TAS2R14: variants seen among roughly 807,000 people sequenced by gnomAD.
TAS2R14 encodes the protein taste receptor type 2 member 14.
For synonymous variants in TAS2R14, 131 were observed against 131.0 expected (o/e 1.00, Z 0.00); for missense variants, 383 against 372.0 (o/e 1.03, Z -0.24).
chr12:10,939,117 T>C (rs1386718844), exon 1 of TAS2R14: 2 of 1,609,236 alleles, frequency 1.2e-6, no homozygotes, highest in Non-Finnish European at 8.5e-7. Flanking sequence ...TCAATACAGT[T>C]CACCAGTGCT....
chr12:10,938,761 G>T (rs1430397632), exon 1 of TAS2R14: 3 of 1,613,828 alleles, frequency 1.9e-6, no homozygotes, highest in Non-Finnish European at 2.5e-6. Context: ...TTATATGGAT[G>T]TTTATCAGTG....
At chr12:10,939,262 CATTCATCTAAAATGCTATGTATATCTG>C in exon 1 of TAS2R14, 1 of 1,004,198 alleles carries the variant, frequency 1.0e-6, no homozygotes, top group Non-Finnish European at 1.4e-6. Flanking sequence ...CTTCTTAATG[CATTCATCTAAAATGCTATGTATATCTG>C]ATTCTTGAAA....
At position 10,939,235 on chromosome 12, in the gene TAS2R14, A is replaced by G. The variant is rs754556008; in HGVS notation, c.-28T>C. 1.2e-5 allele frequency: 16 copies of G among 1,344,952 alleles called. No individual in the cohort carries two copies. In the Admixed American group the frequency reaches 1.8e-4, roughly 15 times the overall value. 83.3% of individuals were successfully genotyped at this position (1,344,952 alleles called of 1,614,324 possible). ...CCTGTAAGAGCATGCCCCAATGTCTAATATCACTGCTGAAGACTTCTTAAT... is the reference window on the plus strand; with the variant it reads ...CCTGTAAGAGCATGCCCCAATGTCTGATATCACTGCTGAAGACTTCTTAAT... On this transcript the variant is annotated 5_prime_UTR_variant, in exon 1 of 1. Transcript: ENST00000537503.
chr12:10,938,264 T>C lies in TAS2R14; in HGVS notation c.944A>G (p.Glu315Gly), dbSNP rs1473019600. 7 of 1,582,442 alleles carry C rather than the reference T, an allele frequency of 4.4e-6. No individual in the cohort carries two copies. The South Asian group carries it at 4.7e-5, about 11-fold the overall frequency. The change falls in exon 1 of 1, where the codon GAA becomes GGA. Residue 315 changes from glutamate (E) to glycine (G), a missense_variant. Physicochemically the swap from Glu to Gly is moderately conservative, Grantham distance 98. Transcript: ENST00000537503. ...TTTTTTCTAATATATTCAAGATGAT[T>C]CTCTAAATTCTTTGTGACCTGAGGG...
At chr12:10,937,740 A>T (rs1427189932) in exon 1 of TAS2R14, 2 of 152,316 alleles carry the variant, frequency 1.3e-5, no homozygotes, top group African/African-American at 2.4e-5. Context: ...AGCAAAGCAA[A>T]TGTGGTAGTT....
At chr12:10,938,510 A>G in exon 1 of TAS2R14, 1 of 1,614,004 alleles carries the variant, frequency 6.2e-7, no homozygotes, top group Non-Finnish European at 8.5e-7. Flanking sequence ...GAAAGTGATC[A>G]CACTTTTAAC....
chr12:10,938,354 T>C (rs749747727), exon 1 of TAS2R14: 2 of 1,614,076 alleles, frequency 1.2e-6, no homozygotes, highest in South Asian at 1.1e-5. Context: ...TCTCAGCTTC[T>C]TGTTTCCAAG....
Position 10,939,002 on chromosome 12 carries a change from G to A in TAS2R14, c.206C>T (p.Ser69Phe), listed in dbSNP as rs748480793. ...GGCAAATAAAGCTGGGAAAAACACAGACACACACCAGCTTCCGAATATTAA... is the reference window on the plus strand; with the variant it reads ...GGCAAATAAAGCTGGGAAAAACACAAACACACACCAGCTTCCGAATATTAA... Residue 69 changes from serine to phenylalanine, a missense_variant, in exon 1 of 1, where the codon TCT becomes TTT. Transcript: ENST00000537503. 3 of 1,613,570 alleles carry A rather than the reference G, an allele frequency of 1.9e-6. No homozygotes were observed. In the Admixed American group the frequency reaches 5.0e-5, roughly 27 times the overall value.
At chr12:10,938,739 T>G (rs1298288156) in exon 1 of TAS2R14, 1 of 1,613,784 alleles carries the variant, frequency 6.2e-7, no homozygotes. Context: ...CTGTATCCAT[T>G]GATACTGGCA....
exon 1 of TAS2R14, chr12:10,939,080 G>C (rs375585680): frequency 1.2e-6 from 2 of 1,613,950 alleles, no homozygotes; most frequent in Non-Finnish European, 1.7e-6. Context: ...CCGATCAACC[G>C]AAGAGATCTT....
exon 1 of TAS2R14, chr12:10,938,535 T>C (rs1591702034): frequency 1.9e-6 from 3 of 1,614,066 alleles, no homozygotes; most frequent in South Asian, 1.1e-5. Flanking sequence ...CTGTGGGCTT[T>C]GGTGCTGGCG....
At chr12:10,937,416 T>G (rs1438835056) in exon 1 of TAS2R14, 2 of 152,056 alleles carry the variant, frequency 1.3e-5, no homozygotes, top group African/African-American at 4.8e-5. Flanking sequence ...TTGATAGTTT[T>G]TAACAGAGAT....
exon 1 of TAS2R14, chr12:10,938,808 G>C (rs185747809): frequency 6.2e-7 from 1 of 1,613,400 alleles, no homozygotes; most frequent in East Asian, 2.2e-5. Context: ...GTCACAAGAA[G>C]CAGCACCAAA....
At chr12:10,938,344 T>C (rs1483533434) in exon 1 of TAS2R14, 1 of 1,614,072 alleles carries the variant, frequency 6.2e-7, no homozygotes, top group Non-Finnish European at 8.5e-7. Context: ...GAGAGGCCTG[T>C]CTCAGCTTCT....
exon 1 of TAS2R14, chr12:10,938,620 T>C: frequency 6.2e-7 from 1 of 1,613,882 alleles, no homozygotes; most frequent in South Asian, 1.1e-5. Context: ...GAAGAAACAT[T>C]GCCAGGGACA....
chr12:10,938,000 CA>C, exon 1 of TAS2R14: 1 of 345,954 alleles, frequency 2.9e-6, no homozygotes. Flanking sequence ...TTAAAAATCT[CA>C]AAAAAGGTGA....
chr12:10,937,592 C>T (rs892332810), exon 1 of TAS2R14: 1 of 152,102 alleles, frequency 6.6e-6, no homozygotes, highest in Non-Finnish European at 1.5e-5. Context: ...TTACTTAACA[C>T]TTTGAATGTT....
At chr12:10,938,828 T>C in exon 1 of TAS2R14, 1 of 1,613,626 alleles carries the variant, frequency 6.2e-7, no homozygotes, top group Non-Finnish European at 8.5e-7. Flanking sequence ...AACCACCTTT[T>C]TAACCCTCCA....
At chr12:10,937,977 T>C (rs1476897372) in exon 1 of TAS2R14, 1 of 304,998 alleles carries the variant, frequency 3.3e-6, no homozygotes, top group East Asian at 5.9e-5. Context: ...TTATACATTA[T>C]AGGTTTTCTC....
Sources: allele counts gnomAD v4.1 joint callset, GRCh38; gene constraint gnomAD v4.1.1; transcripts MANE v1.5; gene names NCBI Gene and HGNC (gene_info 2026-07-23, HGNC 2026-07-21).